The following DNAH7 variants were observed in gnomAD, a reference collection of about 807,000 sequenced individuals.
DNAH7 encodes the protein dynein axonemal heavy chain 7, also known as axonemal beta dynein heavy chain 7.
Under a neutral mutation model 444.6 loss-of-function variants are expected in DNAH7, and 397 were observed. That is an observed-to-expected ratio of 0.89 (90% CI 0.82 to 0.97). DNAH7 has a LOEUF of 0.97. Among genes scored for constraint, DNAH7 ranks in the 50% least tolerant of loss-of-function variants. The probability of loss-of-function intolerance (pLI) is 0.00; values close to 1 mark genes in which losing one functional copy is unlikely to be tolerated. For missense variants in DNAH7, 4,902 were observed against 4,800.8 expected (o/e 1.02, Z -0.62); for synonymous variants, 1,636 against 1,624.4 (o/e 1.01, Z -0.17).
intron 24 of DNAH7, 31 bp from the exon 25 acceptor site, chr2:195,910,226 G>T (rs1687276578): frequency 6.7e-7 from 1 of 1,481,930 alleles, no homozygotes; most frequent in Non-Finnish European, 9.0e-7. Context: ...ATTCTTTGTA[G>T]AATAATGTGA....
At chr2:195,751,380 C>T (rs1195994617) in intron 63 of DNAH7, among the ~76,000 whole-genome samples, 1 of 151,966 alleles carries the variant, frequency 6.6e-6, no homozygotes, top group African/African-American at 2.4e-5. Context: ...TAGTGGATTC[C>T]GGTAGCATAA....
At chr2:195,895,649 T>C (rs553044476) in intron 29 of DNAH7, among the ~76,000 whole-genome samples, 1 of 152,260 alleles carries the variant, frequency 6.6e-6, no homozygotes, top group South Asian at 2.1e-4. Flanking sequence ...AATTAACATA[T>C]CCATCACTCT....
At chr2:195,836,727 G>C (rs1417982873) in intron 47 of DNAH7, among the ~76,000 whole-genome samples, 2 of 151,972 alleles carry the variant, frequency 1.3e-5, no homozygotes, top group East Asian at 3.8e-4. Context: ...TATATAAAAA[G>C]TTTTCATTAT....
At chr2:196,066,183 C>T (rs571224101) in intron 1 of DNAH7, among the ~76,000 whole-genome samples, 6 of 152,166 alleles carry the variant, frequency 3.9e-5, no homozygotes, top group Non-Finnish European at 7.3e-5. Context: ...AGTATTAACC[C>T]TCCTGATCAA....
chr2:195,744,170 C>T (rs1316163618), intron 63 of DNAH7, among the ~76,000 whole-genome samples: 1 of 152,256 alleles, frequency 6.6e-6, no homozygotes. Flanking sequence ...TAATACTGCC[C>T]TTTTCTGACG....
rs527916173 is a variant in DNAH7, at chr2:195,753,437, A to AT, written c.11764+899dup. Among the ~76,000 whole-genome samples, 162 of 152,342 alleles carry AT rather than the reference A, an allele frequency of 1.1e-3. 2 individuals are homozygous for AT. The highest frequency in any genetic ancestry group is 3.7e-3 in the African/African-American group (154 of 41,584). On this transcript the variant is annotated intron_variant, in intron 63 of 64. Coordinates refer to ENST00000312428, the MANE Select transcript of DNAH7 (RefSeq NM_018897.3). ...GATTATCATACACTGTTGTGATTAC[A>AT]TATCTACTTGTTAGTGTCTCCCACC...
chr2:195,795,803 T>A (rs1696104083), intron 56 of DNAH7: 1 of 152,222 alleles, frequency 6.6e-6, no homozygotes. Context: ...ACTGTCTTCA[T>A]GATGCTTACA....
chr2:196,053,685 CT>C (rs1377833395), intron 2 of DNAH7, among the ~76,000 whole-genome samples: 3 of 152,188 alleles, frequency 2.0e-5, no homozygotes, highest in Admixed American at 6.5e-5. Context: ...TACTGCTCCC[CT>C]GTTCAGAAAC....
At position 195,808,715 on chromosome 2, in the gene DNAH7, T is replaced by C; in HGVS notation, c.10050A>G (p.Leu3350=). ...FKTIRREFMR[L]KDGWKKVYDS... ...CATATACTTTCTTCCATCCATCCTT[T>C]AAGCGCATAAACTCTCTACGAATGG... The change falls in exon 53 of 65, where the codon TTA becomes TTG. Residue 3350 remains leucine, a synonymous_variant. Coordinates refer to ENST00000312428, the MANE Select transcript of DNAH7 (RefSeq NM_018897.3). The C allele has an allele frequency of 3.1e-6, 5 of 1,614,038 alleles. No individual in the cohort carries two copies. Among genetic ancestry groups the C allele is most frequent in the Non-Finnish European group, 4.2e-6 (5 of 1,179,932 alleles).
intron 40 of DNAH7, among the ~76,000 whole-genome samples, chr2:195,867,021 T>TA (rs1229819490): frequency 6.6e-6 from 1 of 152,222 alleles, no homozygotes; most frequent in African/African-American, 2.4e-5. Flanking sequence ...GAGGCATCAC[T>TA]AGACATGTGG....
At chr2:195,858,358 G>T in intron 43 of DNAH7, 116 bp downstream of exon 43, 1 of 867,884 alleles carries the variant, frequency 1.2e-6, no homozygotes, top group Non-Finnish European at 1.6e-6. Flanking sequence ...AATGATTTCA[G>T]CTTCATTAAA....
intron 30 of DNAH7, 30 bp downstream of exon 30, chr2:195,894,946 A>C: frequency 6.4e-7 from 1 of 1,550,812 alleles, no homozygotes; most frequent in East Asian, 2.3e-5. Context: ...GTCAATTATA[A>C]ATAAATTAAT....
intron 35 of DNAH7, 45 bp from the exon 36 acceptor site, chr2:195,882,037 TA>T: frequency 6.6e-7 from 1 of 1,505,990 alleles, no homozygotes; most frequent in Non-Finnish European, 9.1e-7. Flanking sequence ...TAAAATACTT[TA>T]AAAAGCTCTA....
intron 54 of DNAH7, among the ~76,000 whole-genome samples, chr2:195,802,322 C>G (rs1450468580): frequency 6.6e-6 from 1 of 152,116 alleles, no homozygotes. Flanking sequence ...ACCAGCCTGG[C>G]CAACATGGTG....
intron 36 of DNAH7, among the ~76,000 whole-genome samples, chr2:195,878,679 A>G (rs1701197313): frequency 6.6e-6 from 1 of 152,210 alleles, no homozygotes; most frequent in African/African-American, 2.4e-5. Context: ...GTGAGCATTG[A>G]GGCCATCTAA....
At chr2:196,019,107 A>C in intron 9 of DNAH7, 63 bp downstream of exon 9, 1 of 1,341,848 alleles carries the variant, frequency 7.5e-7, no homozygotes, top group Non-Finnish European at 9.7e-7. Context: ...AGAAATAATT[A>C]AGATATAGTA....
chr2:195,843,868 G>A (rs542655966), intron 47 of DNAH7, among the ~76,000 whole-genome samples: 10 of 152,078 alleles, frequency 6.6e-5, no homozygotes, highest in Middle Eastern at 3.4e-3. Flanking sequence ...AGGCTGAGGC[G>A]GGCACATCAC....
intron 19 of DNAH7, among the ~76,000 whole-genome samples, chr2:195,937,988 T>TAC: frequency 1.3e-5 from 2 of 152,142 alleles, no homozygotes; most frequent in Non-Finnish European, 2.9e-5. Context: ...ATTTCAAGAT[T>TAC]AACTAATTAG....
At chr2:195,985,470 C>T (rs6712605) in intron 14 of DNAH7, among the ~76,000 whole-genome samples, 5,246 of 152,234 alleles carry the variant, frequency 0.034, 272 homozygotes, top group African/African-American at 0.12. Context: ...AGCAATGGGG[C>T]TGAGCTCCTA....
Sources: gnomAD v4.1 joint callset for allele counts (sites outside exome capture counted in the v4.1 genomes callset) on GRCh38, gnomAD v4.1.1 for gene constraint, MANE v1.5 for transcripts, NCBI Gene and HGNC (gene_info 2026-07-23, HGNC 2026-07-21) for gene names.